Variants in CA10 observed in about 807,000 individuals in gnomAD.
CA10 encodes the protein carbonic anhydrase-related protein 10.
Under a neutral mutation model 44.2 loss-of-function variants are expected in CA10, and 14 were observed. The ratio of observed to expected loss-of-function variants is 0.32; its 90% confidence interval spans 0.21 to 0.50. CA10 has a LOEUF of 0.50. CA10 is among the 20% of genes least tolerant of loss of function. The pLI, the probability that CA10 is intolerant of heterozygous loss-of-function variation, is 0.99. For missense variants in CA10, 350 were observed against 409.7 expected (o/e 0.85, Z 1.26); for synonymous variants, 159 against 141.6 (o/e 1.12, Z -0.87).
At chr17:52,004,869 T>C (rs1469223325) in intron 2 of CA10, among the ~76,000 whole-genome samples, 3 of 151,898 alleles carry the variant, frequency 2.0e-5, no homozygotes, top group Non-Finnish European at 4.4e-5. Flanking sequence ...TGTAAAATTA[T>C]GAAAATCCCC....
At chr17:52,035,577 T>G (rs1986593422) in intron 2 of CA10, among the ~76,000 whole-genome samples, 1 of 152,222 alleles carries the variant, frequency 6.6e-6, no homozygotes, top group East Asian at 1.9e-4. Flanking sequence ...CTCACTGAGC[T>G]GTTAACATTT....
chr17:52,146,628 T>C (rs1989593266), intron 1 of CA10, among the ~76,000 whole-genome samples: 1 of 151,670 alleles, frequency 6.6e-6, no homozygotes, highest in African/African-American at 2.4e-5. Context: ...AGGCGGAGCT[T>C]GCAGTGAGCC....
chr17:51,931,964 C>A (rs1456939074), intron 2 of CA10, among the ~76,000 whole-genome samples: 2 of 152,096 alleles, frequency 1.3e-5, no homozygotes, highest in African/African-American at 4.8e-5. Flanking sequence ...TCAGCCTTTC[C>A]CTGCCCCTTT....
intron 3 of CA10, among the ~76,000 whole-genome samples, chr17:51,830,119 C>T (rs1050974491): frequency 6.6e-6 from 1 of 150,446 alleles, no homozygotes; most frequent in Non-Finnish European, 1.5e-5. Flanking sequence ...ATCGCTTGAA[C>T]CCGGGAGGCA....
intron 1 of CA10, among the ~76,000 whole-genome samples, chr17:52,117,852 T>C (rs1988931745): frequency 6.6e-6 from 1 of 152,180 alleles, no homozygotes; most frequent in African/African-American, 2.4e-5. Flanking sequence ...TAAAATTAGA[T>C]AAGATAAAGC....
intron 3 of CA10, among the ~76,000 whole-genome samples, chr17:51,773,292 C>T (rs79947237): frequency 0.035 from 5,308 of 152,252 alleles, 257 homozygotes; most frequent in African/African-American, 0.11. Flanking sequence ...GGATCCTTTA[C>T]TGCAGCTGAG....
chr17:51,783,433 C>T (rs1906135989), intron 3 of CA10, among the ~76,000 whole-genome samples: 1 of 152,108 alleles, frequency 6.6e-6, no homozygotes, highest in East Asian at 1.9e-4. Context: ...AACTAGCAAC[C>T]ACTGTCTACA....
intron 3 of CA10, among the ~76,000 whole-genome samples, chr17:51,850,899 C>T (rs1978764763): frequency 6.6e-6 from 1 of 152,164 alleles, no homozygotes. Context: ...CATGGGAGTG[C>T]AGGGACAGCT....
At chr17:52,025,956 TAC>T (rs1193606405) in intron 2 of CA10, among the ~76,000 whole-genome samples, 1 of 152,162 alleles carries the variant, frequency 6.6e-6, no homozygotes, top group South Asian at 2.1e-4. Context: ...AATATATATA[TAC>T]ACATAGTATA....
chr17:51,735,598 A>G (rs369480968), intron 4 of CA10, among the ~76,000 whole-genome samples: 4 of 152,302 alleles, frequency 2.6e-5, no homozygotes, highest in African/African-American at 7.2e-5. Flanking sequence ...TTGAAGAAGC[A>G]TGTCATTGCT....
chr17:51,826,244 C>T (rs889678981), intron 3 of CA10, among the ~76,000 whole-genome samples: 1 of 152,168 alleles, frequency 6.6e-6, no homozygotes, highest in Non-Finnish European at 1.5e-5. Context: ...CTAATGACAA[C>T]GTCCTTTCAT....
chr17:51,883,817 C>A (rs1294541012), intron 3 of CA10, among the ~76,000 whole-genome samples: 1 of 152,064 alleles, frequency 6.6e-6, no homozygotes, highest in Admixed American at 6.5e-5. Flanking sequence ...CAAAATTTTT[C>A]TTTTAGCTTA....
At chr17:51,712,207 C>G (rs1193560118) in intron 4 of CA10, among the ~76,000 whole-genome samples, 1 of 152,132 alleles carries the variant, frequency 6.6e-6, no homozygotes, top group East Asian at 1.9e-4. Flanking sequence ...ATGCAGCTTC[C>G]ATGCCCTTTC....
intron 3 of CA10, among the ~76,000 whole-genome samples, chr17:51,833,020 C>T (rs571895078): frequency 3.9e-5 from 6 of 152,120 alleles, no homozygotes; most frequent in Non-Finnish European, 7.4e-5. Flanking sequence ...CAGGTCAGCA[C>T]CAGCCACACA....
At position 51,631,442 on chromosome 17, in the gene CA10, T is replaced by G. The variant is rs1912567615; in HGVS notation, c.*142A>C. 3 of 801,022 alleles carry G rather than the reference T, an allele frequency of 3.7e-6. No individual in the cohort carries two copies. Among genetic ancestry groups the G allele is most frequent in the Non-Finnish European group, 6.5e-6 (3 of 463,448 alleles). The allele number at this position is 801,022 out of a possible 1,614,324, so 49.6% of individuals were successfully genotyped here. On this transcript the variant is annotated 3_prime_UTR_variant, in exon 9 of 9. Transcript: ENST00000451037. Reference sequence around the variant, plus strand: ...CTCTGCCATGGTTTTGCAGACACTTTTCATGAAGAAAGGGCCAATCCCAAG... The same window carrying G: ...CTCTGCCATGGTTTTGCAGACACTTGTCATGAAGAAAGGGCCAATCCCAAG...
At chr17:51,783,842 C>G (rs1906150481) in intron 3 of CA10, among the ~76,000 whole-genome samples, 1 of 152,110 alleles carries the variant, frequency 6.6e-6, no homozygotes, top group Non-Finnish European at 1.5e-5. Context: ...CATCCTGGCC[C>G]AGAGAGAGCA....
chr17:51,684,400 T>C (rs1382054992), intron 4 of CA10, among the ~76,000 whole-genome samples: 1 of 152,224 alleles, frequency 6.6e-6, no homozygotes, highest in African/African-American at 2.4e-5. Context: ...AGGAAACCAG[T>C]GCACCCCCAC....
At chr17:52,050,425 G>T (rs1041974715) in intron 2 of CA10, among the ~76,000 whole-genome samples, 1 of 151,938 alleles carries the variant, frequency 6.6e-6, no homozygotes, top group African/African-American at 2.4e-5. Context: ...TTCCATGCTT[G>T]CCCTTTTCTA....
At chr17:51,705,376 C>G (rs1041591793) in intron 4 of CA10, among the ~76,000 whole-genome samples, 2 of 152,122 alleles carry the variant, frequency 1.3e-5, no homozygotes, top group African/African-American at 4.8e-5. Context: ...TGAACCATAG[C>G]AGAGGGGATC....
Sources: gnomAD v4.1 joint callset for allele counts (sites outside exome capture counted in the v4.1 genomes callset) on GRCh38, gnomAD v4.1.1 for gene constraint, MANE v1.5 for transcripts, NCBI Gene and HGNC (gene_info 2026-07-23, HGNC 2026-07-21) for gene names.